CLDN10: variants seen among roughly 807,000 people sequenced by gnomAD.
CLDN10 encodes claudin 10, also known as claudin-10.
Under a neutral mutation model 22.9 loss-of-function variants are expected in CLDN10, and 15 were observed. The ratio of observed to expected loss-of-function variants is 0.65; its 90% CI spans 0.44 to 1.01. The LOEUF is 1.01. CLDN10 is among the 50% of genes least tolerant of loss of function. The pLI, the probability that CLDN10 is intolerant of heterozygous loss-of-function variation, is 0.00. For missense variants in CLDN10, 247 were observed against 287.8 expected, an observed-to-expected ratio of 0.86 and a Z score of 1.03; for synonymous variants, 114 against 111.4, an observed-to-expected ratio of 1.02 and a Z score of -0.15.
intron 1 of CLDN10, among the ~76,000 whole-genome samples, chr13:95,502,072 A>T (rs2042991890): frequency 6.6e-6 from 1 of 152,198 alleles, no homozygotes; most frequent in South Asian, 2.1e-4. Context: ...TAACCACCCC[A>T]GCCCCCACAC....
intron 1 of CLDN10, among the ~76,000 whole-genome samples, chr13:95,484,865 CAAAAAAAA>C (rs746231195): frequency 4.3e-5 from 4 of 93,640 alleles, no homozygotes; most frequent in Non-Finnish European, 8.4e-5. Context: ...GACCCTGTCT[CAAAAAAAA>C]AAAAAAAAAA....
At chr13:95,489,489 A>T (rs753359044) in intron 1 of CLDN10, among the ~76,000 whole-genome samples, 5 of 151,010 alleles carry the variant, frequency 3.3e-5, no homozygotes, top group Non-Finnish European at 7.4e-5. Context: ...GATGTTGAGC[A>T]TTCTTTCATA....
At chr13:95,563,586 C>G (rs1283776049) in intron 3 of CLDN10, among the ~76,000 whole-genome samples, 1 of 152,172 alleles carries the variant, frequency 6.6e-6, no homozygotes, top group Admixed American at 6.5e-5. Flanking sequence ...GACTTTCTCT[C>G]CTTCATCTCT....
chr13:95,542,743 A>G (rs9525018), intron 1 of CLDN10, among the ~76,000 whole-genome samples: 45,378 of 152,020 alleles, frequency 0.3, 7,573 homozygotes, highest in Admixed American at 0.37. Context: ...GGAGGCAGAA[A>G]TTGCAGTGAG....
At chr13:95,529,700 A>G (rs2043320590) in intron 1 of CLDN10, among the ~76,000 whole-genome samples, 1 of 152,186 alleles carries the variant, frequency 6.6e-6, no homozygotes, top group Non-Finnish European at 1.5e-5. Flanking sequence ...ACTTGTCTAC[A>G]TGAAGTGTGC....
At chr13:95,485,420 G>C (rs138078845) in intron 1 of CLDN10, among the ~76,000 whole-genome samples, 3 of 152,266 alleles carry the variant, frequency 2.0e-5, no homozygotes, top group Admixed American at 2.0e-4. Flanking sequence ...ACTTAGTTTT[G>C]AATCTTAATT....
intron 1 of CLDN10, among the ~76,000 whole-genome samples, chr13:95,471,453 A>ATATATATATATTT (rs776857009): frequency 4.9e-4 from 52 of 106,378 alleles, no homozygotes; most frequent in Non-Finnish European, 7.4e-4. Flanking sequence ...ATATATATAT[A>ATATATATATATTT]TTTTTTTTTT....
intron 1 of CLDN10, among the ~76,000 whole-genome samples, chr13:95,465,065 A>G (rs12869714): frequency 0.3 from 45,669 of 152,076 alleles, 8,419 homozygotes; most frequent in Non-Finnish European, 0.41. Flanking sequence ...GAAGAAAATA[A>G]ATTTAATGGA....
At chr13:95,576,960 C>T (rs1379114978) in intron 3 of CLDN10, among the ~76,000 whole-genome samples, 1 of 152,194 alleles carries the variant, frequency 6.6e-6, no homozygotes, top group Non-Finnish European at 1.5e-5. Context: ...CTGGCTGAGT[C>T]AGGAGACCCT....
At chr13:95,453,016 G>A (rs2042446636) in intron 1 of CLDN10, among the ~76,000 whole-genome samples, 1 of 152,106 alleles carries the variant, frequency 6.6e-6, no homozygotes, top group African/African-American at 2.4e-5. Context: ...TACAGGTCTT[G>A]CCTTCCTATT....
At chr13:95,433,841 G>A in exon 1 of CLDN10, 1 of 1,614,080 alleles carries the variant, frequency 6.2e-7, no homozygotes, top group Non-Finnish European at 8.5e-7. Context: ...GACATGTCCA[G>A]GGCGCAGATC....
At chr13:95,501,759 A>G (rs2042988101) in intron 1 of CLDN10, among the ~76,000 whole-genome samples, 1 of 152,112 alleles carries the variant, frequency 6.6e-6, no homozygotes. Flanking sequence ...CCTTTATTTG[A>G]AATGTTTGGT....
At chr13:95,452,545 C>T (rs1207436633) in intron 1 of CLDN10, among the ~76,000 whole-genome samples, 1 of 152,164 alleles carries the variant, frequency 6.6e-6, no homozygotes, top group Non-Finnish European at 1.5e-5. Flanking sequence ...AGAAAAAGAA[C>T]TTTCCAGCTC....
upstream of CLDN10, among the ~76,000 whole-genome samples, chr13:95,552,382 G>T (rs1490338482): frequency 6.6e-6 from 1 of 152,112 alleles, no homozygotes; most frequent in Non-Finnish European, 1.5e-5. Context: ...GGGTGGGGGT[G>T]GTGAGGTGGG....
chr13:95,477,334 G>C (rs753152743), intron 1 of CLDN10, among the ~76,000 whole-genome samples: 13 of 152,194 alleles, frequency 8.5e-5, no homozygotes, highest in Non-Finnish European at 1.8e-4. Context: ...CATACAGGCT[G>C]TTCCTATTTG....
intron 3 of CLDN10, among the ~76,000 whole-genome samples, chr13:95,573,013 C>T (rs1566345420): frequency 6.6e-6 from 1 of 152,324 alleles, no homozygotes; most frequent in East Asian, 1.9e-4. Flanking sequence ...GAATCAAGGT[C>T]TCCAGGTTGG....
At chr13:95,489,352 G>A (rs925858847) in intron 1 of CLDN10, among the ~76,000 whole-genome samples, 5 of 151,924 alleles carry the variant, frequency 3.3e-5, no homozygotes, top group South Asian at 4.1e-4. Context: ...ATGCAGAAGG[G>A]TTCCCTGTTC....
At chr13:95,503,954 C>T (rs561229389) in intron 1 of CLDN10, among the ~76,000 whole-genome samples, 4 of 152,210 alleles carry the variant, frequency 2.6e-5, no homozygotes, top group African/African-American at 7.2e-5. Flanking sequence ...CTGTACACTT[C>T]AAAATGGTTA....
Position 95,552,890 on chromosome 13 carries a change from G to A in CLDN10, c.137G>A (p.Trp46Ter). The A allele has an allele frequency of 6.2e-7, 1 of 1,614,106 alleles. No homozygotes were observed. Among genetic ancestry groups the A allele is most frequent in the South Asian group, 1.1e-5 (1 of 91,070 alleles). The change falls in exon 1 of 5, where the codon TGG (tryptophan) becomes TAG (stop). Residue 46 changes from tryptophan to a stop codon, truncating the protein, a stop_gained. Coordinates refer to ENST00000299339, the MANE Select transcript of CLDN10 (RefSeq NM_006984.5). LOFTEE classifies it high-confidence loss of function. ...DGTVITTATYWANLWKACVTD... is the reference protein window; with the variant it reads ...DGTVITTATY ...ACGGTCATCACAACCGCCACCTATT[G>A]GGCCAACCTGTGGAAGGCGTGCGTT...
Sources: allele counts gnomAD v4.1 joint callset (sites outside exome capture counted in the v4.1 genomes callset), GRCh38; gene constraint gnomAD v4.1.1; transcripts MANE v1.5; gene names NCBI Gene and HGNC (gene_info 2026-07-23, HGNC 2026-07-21).